NRCAM: variants seen among roughly 807,000 people sequenced by gnomAD.
The protein encoded by NRCAM is NgCAM-related cell adhesion molecule.
In NRCAM, 83 loss-of-function variants were observed where a neutral mutation model predicts 156.5. That is an observed-to-expected ratio of 0.53 (90% CI 0.44 to 0.64). The LOEUF is 0.64. Ranked by LOEUF, NRCAM falls within the 30% of genes least tolerant of loss-of-function variation. The probability of loss-of-function intolerance (pLI) is 0.00; values close to 1 mark genes in which losing one functional copy is unlikely to be tolerated. For missense variants in NRCAM, 1,417 were observed against 1,597.3 expected, an observed-to-expected ratio of 0.89 and a Z score of 1.92; for synonymous variants, 538 against 563.9, an observed-to-expected ratio of 0.95 and a Z score of 0.65.
chr7:108,156,165 G>T, intron 32 of NRCAM: 1 of 287,734 alleles, frequency 3.5e-6, no homozygotes, highest in Non-Finnish European at 5.2e-6. Context: ...TAACTCTAAT[G>T]TATATAACGA....
chr7:108,209,905 T>TA (rs1198051220), intron 11 of NRCAM, among the ~76,000 whole-genome samples: 1 of 152,190 alleles, frequency 6.6e-6, no homozygotes, highest in Non-Finnish European at 1.5e-5. Context: ...TTGTGACTAA[T>TA]AAGGAACTCT....
chr7:108,260,387 T>G (rs2096847692), intron 3 of NRCAM, among the ~76,000 whole-genome samples: 2 of 152,110 alleles, frequency 1.3e-5, no homozygotes, highest in Non-Finnish European at 2.9e-5. Flanking sequence ...GGGTTGTTAT[T>G]TTATCAGGGA....
chr7:108,202,149 T>C (rs1401030579), intron 13 of NRCAM, among the ~76,000 whole-genome samples: 2 of 152,076 alleles, frequency 1.3e-5, no homozygotes, highest in African/African-American at 4.8e-5. Flanking sequence ...GAGAAAGAAA[T>C]TTAAAAGCAC....
chr7:108,189,082 C>T (rs1204874149), intron 20 of NRCAM, among the ~76,000 whole-genome samples: 2 of 151,806 alleles, frequency 1.3e-5, no homozygotes, highest in African/African-American at 2.4e-5. Context: ...ATTTCCTAGG[C>T]CCTAGGCTTG....
intron 3 of NRCAM, among the ~76,000 whole-genome samples, chr7:108,249,827 T>C (rs1393161550): frequency 6.6e-6 from 1 of 152,232 alleles, no homozygotes; most frequent in Non-Finnish European, 1.5e-5. Flanking sequence ...CACTCTCTTT[T>C]CAGCATCATT....
chr7:108,350,747 T>C (rs1314646120), intron 2 of NRCAM, among the ~76,000 whole-genome samples: 1 of 152,240 alleles, frequency 6.6e-6, no homozygotes. Context: ...TTTTCTTTTT[T>C]TTCTTCTTCT....
intron 13 of NRCAM, among the ~76,000 whole-genome samples, chr7:108,201,196 A>C (rs2077904590): frequency 6.7e-6 from 1 of 148,452 alleles, no homozygotes; most frequent in Admixed American, 6.7e-5. Flanking sequence ...AAAAAAAGAA[A>C]AAGATTCTTA....
At chr7:108,255,618 T>A in intron 3 of NRCAM, among the ~76,000 whole-genome samples, 1 of 146,872 alleles carries the variant, frequency 6.8e-6, no homozygotes, top group African/African-American at 2.5e-5. Context: ...CGTCTCTGCC[T>A]GGCTGCCCAT....
intron 2 of NRCAM, among the ~76,000 whole-genome samples, chr7:108,316,615 G>GA (rs375152713): frequency 0.017 from 2,538 of 147,390 alleles, 73 homozygotes; most frequent in African/African-American, 0.06. Flanking sequence ...CTCTACTAAA[G>GA]AAAAAAAAAA....
chr7:108,205,002 A>G (rs1217017996), intron 13 of NRCAM, among the ~76,000 whole-genome samples: 1 of 152,244 alleles, frequency 6.6e-6, no homozygotes, highest in Non-Finnish European at 1.5e-5. Flanking sequence ...AAAGCTGTTA[A>G]GATGACTGGA....
intron 2 of NRCAM, among the ~76,000 whole-genome samples, chr7:108,313,531 C>G (rs2098833955): frequency 6.6e-6 from 1 of 152,142 alleles, no homozygotes; most frequent in Non-Finnish European, 1.5e-5. Context: ...CTGGACTGCA[C>G]TCAAATATTA....
At chr7:108,455,084 G>A (rs1277270916) in intron 1 of NRCAM, among the ~76,000 whole-genome samples, 6 of 152,164 alleles carry the variant, frequency 3.9e-5, no homozygotes, top group Non-Finnish European at 5.9e-5. Flanking sequence ...GCGATCCGGG[G>A]AAGGAAGCGG....
chr7:108,184,881 T>C (rs1410800099), intron 20 of NRCAM, among the ~76,000 whole-genome samples: 1 of 152,108 alleles, frequency 6.6e-6, no homozygotes, highest in Non-Finnish European at 1.5e-5. Context: ...TTGACCACCT[T>C]TTCATATATT....
intron 1 of NRCAM, among the ~76,000 whole-genome samples, chr7:108,452,005 T>C (rs1850932352): frequency 6.6e-6 from 1 of 152,246 alleles, no homozygotes. Flanking sequence ...TAAATAAACA[T>C]ATTGCATTTG....
chr7:108,335,106 A>T (rs931747007), intron 2 of NRCAM, among the ~76,000 whole-genome samples: 2 of 152,212 alleles, frequency 1.3e-5, no homozygotes, highest in African/African-American at 4.8e-5. Context: ...TCAGAGAAGT[A>T]ACTTGCCTCA....
rs181190492 is a variant in NRCAM at position 108,210,467 on chromosome 7, C to T, written c.891-862G>A. On this transcript the variant is annotated intron_variant, in intron 11 of 32. Coordinates refer to ENST00000379028, the MANE Select transcript of NRCAM (RefSeq NM_001037132.4). ...TTCATTGTTTTAGTCAGTATGGTCT[C>T]GATCTCCTGATCTTGTGATCCACCC... Among the ~76,000 whole-genome samples, 146 of 152,226 alleles carry T rather than the reference C, an allele frequency of 9.6e-4. 2 individuals carry two copies. Among genetic ancestry groups the T allele is most frequent in the African/African-American group, 3.1e-3 (127 of 41,536 alleles).
chr7:108,442,193 C>T (rs553573462), intron 1 of NRCAM, among the ~76,000 whole-genome samples: 33 of 152,226 alleles, frequency 2.2e-4, no homozygotes, highest in Non-Finnish European at 3.8e-4. Flanking sequence ...GGTATGATCA[C>T]AGGATGTGAT....
At chr7:108,320,617 T>C (rs1263486548) in intron 2 of NRCAM, among the ~76,000 whole-genome samples, 1 of 152,154 alleles carries the variant, frequency 6.6e-6, no homozygotes, top group Non-Finnish European at 1.5e-5. Flanking sequence ...AAATAAATTA[T>C]ATTAAACTTC....
chr7:108,222,617 T>G (rs2092631048), intron 11 of NRCAM, among the ~76,000 whole-genome samples: 1 of 152,060 alleles, frequency 6.6e-6, no homozygotes. Flanking sequence ...GTTTTGCTAG[T>G]TTTCCGTAGC....
Sources: allele counts gnomAD v4.1 joint callset (sites outside exome capture counted in the v4.1 genomes callset), GRCh38; gene constraint gnomAD v4.1.1; transcripts MANE v1.5; gene names NCBI Gene and HGNC (gene_info 2026-07-23, HGNC 2026-07-21).